Variants in PRKG1 observed in about 807,000 individuals in gnomAD.
PRKG1 encodes the protein protein kinase cGMP-dependent 1.
Under a neutral mutation model 88.1 loss-of-function variants are expected in PRKG1, and 35 were observed. The observed-to-expected ratio is 0.40, with a 90% confidence interval of 0.30 to 0.53. The LOEUF is 0.53. PRKG1 is among the 20% of genes least tolerant of loss of function. The probability of loss-of-function intolerance (pLI) is 0.59; values close to 1 mark genes in which losing one functional copy is unlikely to be tolerated. For synonymous variants in PRKG1, 303 were observed against 292.5 expected (o/e 1.04, Z -0.37); for missense variants, 540 against 839.8 (o/e 0.64, Z 4.41).
In PRKG1 at chr10:51,505,855, C is replaced by T. The variant is rs553740724; in HGVS notation, c.592+38019C>T. 3.6e-3 allele frequency among the ~76,000 whole-genome samples: 535 copies of T among 146,828 alleles called. 3 individuals are homozygous for T. The highest frequency in any genetic ancestry group is 0.014 in the African/African-American group (516 of 37,786). On this transcript the variant is annotated intron_variant, in intron 3 of 17. Transcript: ENST00000373980. ...TTTTTATTGCGTCTATTTGATTCTT[C>T]TCTCTTTTCTTCTTTATTAGTCTTG...
chr10:51,792,283 G>A (rs142837674), intron 3 of PRKG1, among the ~76,000 whole-genome samples: 4 of 151,998 alleles, frequency 2.6e-5, no homozygotes, highest in East Asian at 3.9e-4. Context: ...GTTTATAACC[G>A]ATTTACACAG....
chr10:51,269,259 C>G lies in PRKG1; in HGVS notation c.478+115929C>G, dbSNP rs79672062. The stretch of plus-strand genomic sequence containing the variant: ...GCATGGATGTGGTAAAAAGGGAATA[C>G]TTTTACACTGCTAGTGGGAATGTAA... On this transcript the variant is annotated intron_variant, in intron 2 of 17. Transcript: ENST00000373980. Among the ~76,000 whole-genome samples, 514 of 152,220 alleles carry G rather than the reference C, an allele frequency of 3.4e-3. 5 individuals carry two copies. Among genetic ancestry groups the G allele is most frequent in the African/African-American group, 0.011 (444 of 41,544 alleles).
At chr10:52,177,962 G>T (rs542476940) in intron 9 of PRKG1, among the ~76,000 whole-genome samples, 55 of 145,106 alleles carry the variant, frequency 3.8e-4, no homozygotes, top group African/African-American at 1.4e-3. Flanking sequence ...ATTGAGTTTT[G>T]CATTGCTTTT....
rs572343440 is a variant in PRKG1, at chr10:51,129,203, T to C, written c.312-23961T>C. 9.2e-5 allele frequency among the ~76,000 whole-genome samples: 14 copies of C among 152,254 alleles called. No individual in the cohort carries two copies. The South Asian group carries it at 2.1e-3, about 23-fold the overall frequency. ...TAGAAGACATAAACAGGGCCGGGTG[T>C]GGTGGCTCATGCCTATAAGCTTAGC... On this transcript the variant is annotated intron_variant, in intron 1 of 17. Coordinates refer to ENST00000373980, the MANE Select transcript of PRKG1 (RefSeq NM_006258.4).
intron 5 of PRKG1, among the ~76,000 whole-genome samples, chr10:51,931,193 A>C (rs766240885): frequency 2.0e-5 from 3 of 152,192 alleles, no homozygotes; most frequent in Non-Finnish European, 4.4e-5. Flanking sequence ...CAAAAAACTA[A>C]TTGTCCTGGA....
intron 2 of PRKG1, among the ~76,000 whole-genome samples, chr10:51,231,558 G>A (rs577551301): frequency 2.0e-5 from 3 of 152,156 alleles, no homozygotes; most frequent in South Asian, 2.1e-4. Context: ...TAGGGTGTAC[G>A]GAATTTACCT....
intron 2 of PRKG1, among the ~76,000 whole-genome samples, chr10:51,166,546 A>G (rs962160469): frequency 6.6e-6 from 1 of 152,236 alleles, no homozygotes; most frequent in Non-Finnish European, 1.5e-5. Context: ...GTTTTTCAGC[A>G]TCATTTTGCA....
In PRKG1 at chr10:51,680,606, C is replaced by T. The variant is rs528838891; in HGVS notation, c.593-123979C>T. ...CTAACTACTCTCAATTTTCAAAACT[C>T]GGTTCTGTTTCAAGAAAACTTCCAT... On this transcript the variant is annotated intron_variant, in intron 3 of 17. Transcript: ENST00000373980. Among the ~76,000 whole-genome samples the T allele has an allele frequency of 1.8e-4, 27 of 152,316 alleles. 1 individual carries two copies. The highest frequency in any genetic ancestry group is 5.1e-4 in the African/African-American group (21 of 41,568).
chr10:52,131,871 G>T (rs960345844), intron 7 of PRKG1, among the ~76,000 whole-genome samples: 2 of 148,696 alleles, frequency 1.3e-5, no homozygotes, highest in Non-Finnish European at 3.0e-5. Context: ...CAAAAGGCAG[G>T]GAATGTGAGG....
intron 3 of PRKG1, among the ~76,000 whole-genome samples, chr10:51,637,214 G>A (rs1839678033): frequency 6.6e-6 from 1 of 152,230 alleles, no homozygotes. Context: ...AAACCACGAT[G>A]AGATATCATC....
intron 1 of PRKG1, among the ~76,000 whole-genome samples, chr10:51,113,521 G>GT (rs1845027651): frequency 6.6e-6 from 1 of 152,032 alleles, no homozygotes; most frequent in East Asian, 1.9e-4. Context: ...AAGTTATCAA[G>GT]TAAAAACTGT....
chr10:51,157,368 G>A (rs1367718944), intron 2 of PRKG1, among the ~76,000 whole-genome samples: 1 of 151,902 alleles, frequency 6.6e-6, no homozygotes, highest in East Asian at 1.9e-4. Flanking sequence ...CTCGTTTTAT[G>A]TTTTAATTAT....
chr10:51,304,806 C>T (rs2132246971), intron 2 of PRKG1, among the ~76,000 whole-genome samples: 1 of 152,012 alleles, frequency 6.6e-6, no homozygotes, highest in Middle Eastern at 3.4e-3. Flanking sequence ...CTACAAAGGA[C>T]ATGAAATCAT....
chr10:51,631,727 G>A (rs1367121906), intron 3 of PRKG1, among the ~76,000 whole-genome samples: 3 of 152,188 alleles, frequency 2.0e-5, no homozygotes, highest in South Asian at 2.1e-4. Context: ...AATAGCGTTC[G>A]CGCTCCTGTG....
At position 51,926,919 on chromosome 10, in the gene PRKG1, A is replaced by G. The variant is rs971782267; in HGVS notation, c.762+19349A>G. Reference sequence around the variant, plus strand: ...TGTAAGTAACCAATTTTATATTTATAAAACAGAAAGCATTGCAGCCTGGCA... The same window carrying G: ...TGTAAGTAACCAATTTTATATTTATGAAACAGAAAGCATTGCAGCCTGGCA... On this transcript the variant is annotated intron_variant, in intron 5 of 17. Transcript: ENST00000373980. 2.0e-5 allele frequency among the ~76,000 whole-genome samples: 3 copies of G among 152,078 alleles called. No individual in the cohort carries two copies. The East Asian group carries it at 5.8e-4, about 29-fold the overall frequency.
intron 3 of PRKG1, among the ~76,000 whole-genome samples, chr10:51,802,861 A>AT (rs1402706109): frequency 1.3e-5 from 2 of 152,154 alleles, no homozygotes; most frequent in Non-Finnish European, 2.9e-5. Context: ...CTTGGCCACA[A>AT]TAAATACGTG....
intron 2 of PRKG1, among the ~76,000 whole-genome samples, chr10:51,287,787 A>G (rs1176737836): frequency 6.6e-6 from 1 of 152,232 alleles, no homozygotes; most frequent in African/African-American, 2.4e-5. Flanking sequence ...TTATTAAACT[A>G]AGAGATTTTA....
At chr10:51,464,409 T>C (rs927843225) in intron 2 of PRKG1, among the ~76,000 whole-genome samples, 5 of 152,318 alleles carry the variant, frequency 3.3e-5, no homozygotes, top group Middle Eastern at 3.4e-3. Flanking sequence ...AGATGTTTTA[T>C]GTCAAAACTG....
chr10:51,874,373 A>G (rs1172413077), intron 4 of PRKG1, among the ~76,000 whole-genome samples: 3 of 152,238 alleles, frequency 2.0e-5, no homozygotes, highest in African/African-American at 7.2e-5. Context: ...TAGATAATTT[A>G]TACAAGAGAG....
Sources: gnomAD v4.1 joint callset for allele counts (sites outside exome capture counted in the v4.1 genomes callset) on GRCh38, gnomAD v4.1.1 for gene constraint, MANE v1.5 for transcripts, NCBI Gene and HGNC (gene_info 2026-07-23, HGNC 2026-07-21) for gene names.